The following ARSB variants were observed in gnomAD, a reference collection of about 807,000 sequenced individuals.
ARSB encodes arylsulfatase B.
In ARSB, 41 loss-of-function variants were observed where a neutral mutation model predicts 50.9. The ratio of observed to expected loss-of-function variants is 0.81; its 90% CI spans 0.63 to 1.04. The LOEUF (loss-of-function observed/expected upper bound fraction) is 1.04, where lower values mean the gene tolerates loss of function less well. ARSB is among the 50% of genes least tolerant of loss of function. ARSB has a pLI of 0.00. For missense variants in ARSB, 672 were observed against 693.3 expected, an observed-to-expected ratio of 0.97 and a Z score of 0.35; for synonymous variants, 269 against 284.8, an observed-to-expected ratio of 0.94 and a Z score of 0.56.
chr5:78,807,602 T>C (rs1283564159), intron 6 of ARSB, among the ~76,000 whole-genome samples: 1 of 152,082 alleles, frequency 6.6e-6, no homozygotes, highest in Non-Finnish European at 1.5e-5. Context: ...CCAAAGACTT[T>C]TAAACATATT....
chr5:78,919,613 C>T (rs970219235), intron 4 of ARSB, among the ~76,000 whole-genome samples: 6 of 152,160 alleles, frequency 3.9e-5, no homozygotes, highest in Non-Finnish European at 5.9e-5. Flanking sequence ...CAGCCTCAGC[C>T]TCCTGAGTAG....
At chr5:78,886,095 C>T (rs557422742) in intron 4 of ARSB, among the ~76,000 whole-genome samples, 14 of 152,076 alleles carry the variant, frequency 9.2e-5, no homozygotes, top group Non-Finnish European at 2.1e-4. Flanking sequence ...CGATGATATG[C>T]GCTTTGGAGA....
intron 4 of ARSB, among the ~76,000 whole-genome samples, chr5:78,898,588 A>G (rs1580018585): frequency 6.6e-6 from 1 of 152,230 alleles, no homozygotes; most frequent in East Asian, 1.9e-4. Flanking sequence ...TTAGCAGCTT[A>G]AACAATACAC....
chr5:78,842,494 G>A (rs1183687560), intron 5 of ARSB, among the ~76,000 whole-genome samples: 1 of 152,130 alleles, frequency 6.6e-6, no homozygotes, highest in African/African-American at 2.4e-5. Flanking sequence ...TGTCTACTGA[G>A]GAGTTAAAAT....
At chr5:78,831,894 T>G (rs938517706) in intron 6 of ARSB, among the ~76,000 whole-genome samples, 1 of 152,000 alleles carries the variant, frequency 6.6e-6, no homozygotes, top group Admixed American at 6.5e-5. Context: ...CAAAAAGAAA[T>G]AAAAATGCCT....
chr5:78,971,958 T>C (rs1752471900), intron 1 of ARSB, among the ~76,000 whole-genome samples: 1 of 152,240 alleles, frequency 6.6e-6, no homozygotes, highest in South Asian at 2.1e-4. Flanking sequence ...ATGCCTCTCC[T>C]AGAAATAATT....
chr5:78,857,514 A>T (rs922436523), intron 5 of ARSB, among the ~76,000 whole-genome samples: 2 of 152,198 alleles, frequency 1.3e-5, no homozygotes, highest in Non-Finnish European at 2.9e-5. Flanking sequence ...GGTTTTCAAT[A>T]ATCACACAAG....
chr5:78,966,159 C>T (rs1040307273), intron 2 of ARSB, among the ~76,000 whole-genome samples: 13 of 152,224 alleles, frequency 8.5e-5, no homozygotes, highest in Admixed American at 3.9e-4. Context: ...AGATACACTT[C>T]ATTAGCAAAG....
chr5:78,895,051 A>C (rs867117758), intron 4 of ARSB, among the ~76,000 whole-genome samples: 1 of 152,206 alleles, frequency 6.6e-6, no homozygotes. Flanking sequence ...AACCAAACAA[A>C]CAAACAAACA....
In ARSB at chr5:78,821,681, G is replaced by A. The variant is rs75476224; in HGVS notation, c.1213+17675C>T. ...TTTGTATAAAGCACTATGAGGAGGCGGTGCATATCTTCTAGAATGCTTCTA... is the reference window on the plus strand; with the variant it reads ...TTTGTATAAAGCACTATGAGGAGGCAGTGCATATCTTCTAGAATGCTTCTA... On this transcript the variant is annotated intron_variant, in intron 6 of 7. Transcript: ENST00000264914. 1.2e-3 allele frequency among the ~76,000 whole-genome samples: 179 copies of A among 152,222 alleles called. 4 individuals are homozygous for A. In the East Asian group the frequency reaches 0.028, roughly 24 times the overall value.
chr5:78,951,580 G>C (rs1561522536), intron 4 of ARSB, among the ~76,000 whole-genome samples: 2 of 152,190 alleles, frequency 1.3e-5, no homozygotes, highest in African/African-American at 4.8e-5. Flanking sequence ...ATATTTTTGA[G>C]ACATAAATCA....
intron 4 of ARSB, among the ~76,000 whole-genome samples, chr5:78,898,492 C>T (rs1373277805): frequency 2.0e-5 from 3 of 152,146 alleles, no homozygotes; most frequent in Admixed American, 6.5e-5. Flanking sequence ...ACAATGAACA[C>T]AGGTGTAAAA....
At chr5:78,944,806 G>A (rs561016736) in intron 4 of ARSB, among the ~76,000 whole-genome samples, 150 of 152,322 alleles carry the variant, frequency 9.8e-4, no homozygotes, top group Middle Eastern at 3.4e-3. Flanking sequence ...CTTCAAAGCT[G>A]TTAGACAGGG....
At chr5:78,803,527 G>A (rs1232028527) in intron 6 of ARSB, among the ~76,000 whole-genome samples, 1 of 152,200 alleles carries the variant, frequency 6.6e-6, no homozygotes, top group Admixed American at 6.5e-5. Context: ...GACTGCCAAA[G>A]GGAGCAGACA....
At chr5:78,871,016 C>A (rs2112150123) in intron 5 of ARSB, among the ~76,000 whole-genome samples, 1 of 150,666 alleles carries the variant, frequency 6.6e-6, no homozygotes, top group African/African-American at 2.4e-5. Context: ...TCCTATACAC[C>A]AACAACAGAC....
rs532815092 is a variant in ARSB at position 78,929,934 on chromosome 5, G to A, written c.898+25361C>T. Among the ~76,000 whole-genome samples, 5 of 152,140 alleles carry A rather than the reference G, an allele frequency of 3.3e-5. No individual in the cohort carries two copies. In the South Asian group the frequency reaches 1.0e-3, roughly 32 times the overall value. ...ACTGACTAATTTCTGTTACCAAAAAGAAAATAATGAGTGGTCAGGTGACCT... is the reference window on the plus strand; with the variant it reads ...ACTGACTAATTTCTGTTACCAAAAAAAAAATAATGAGTGGTCAGGTGACCT... On this transcript the variant is annotated intron_variant, in intron 4 of 7. Coordinates refer to ENST00000264914, the MANE Select transcript of ARSB (RefSeq NM_000046.5).
At chr5:78,868,894 C>T (rs1020774130) in intron 5 of ARSB, among the ~76,000 whole-genome samples, 2 of 151,572 alleles carry the variant, frequency 1.3e-5, no homozygotes, top group African/African-American at 2.4e-5. Context: ...CAAGACCCAT[C>T]AGTGTGCTGT....
chr5:78,904,864 T>A (rs931814697), intron 4 of ARSB, among the ~76,000 whole-genome samples: 1 of 151,826 alleles, frequency 6.6e-6, no homozygotes, highest in Admixed American at 6.6e-5. Flanking sequence ...AATTTTTGTA[T>A]TTTTTGGTAG....
intron 6 of ARSB, 78 bp from the exon 7 acceptor site, chr5:78,782,052 C>T: frequency 1.9e-6 from 3 of 1,575,960 alleles, no homozygotes; most frequent in Non-Finnish European, 1.7e-6. Flanking sequence ...TATACCCTTG[C>T]AGAACAGTAG....
Sources: allele counts gnomAD v4.1 joint callset (sites outside exome capture counted in the v4.1 genomes callset), GRCh38; gene constraint gnomAD v4.1.1; transcripts MANE v1.5; gene names NCBI Gene and HGNC (gene_info 2026-07-23, HGNC 2026-07-21).